The following TARP variants were observed in gnomAD, a reference collection of about 807,000 sequenced individuals.
the TARP span, among the ~76,000 whole-genome samples, chr7:38,268,246 G>A: frequency 5.3e-5 from 8 of 150,940 alleles, no homozygotes; most frequent in African/African-American, 1.2e-4. Context: ...ATTCATTTAT[G>A]TACATTTATT....
the TARP span, among the ~76,000 whole-genome samples, chr7:38,271,564 GA>G: frequency 2.6e-5 from 4 of 151,408 alleles, no homozygotes; most frequent in East Asian, 7.7e-4. Flanking sequence ...AAAAGGCAAA[GA>G]AATTTATCAC....
the TARP span, among the ~76,000 whole-genome samples, chr7:38,262,477 G>A: frequency 6.6e-6 from 1 of 151,396 alleles, no homozygotes; most frequent in African/African-American, 2.4e-5. Flanking sequence ...GTATCCAAGA[G>A]CATTTACTTT....
the TARP span, among the ~76,000 whole-genome samples, chr7:38,264,159 A>G: frequency 0.014 from 2,188 of 151,380 alleles, 23 homozygotes; most frequent in Admixed American, 0.032. Flanking sequence ...TGATTATATA[A>G]TATGATCACT....
chr7:38,264,484 G>A, the TARP span, among the ~76,000 whole-genome samples: 8 of 151,370 alleles, frequency 5.3e-5, no homozygotes, highest in Non-Finnish European at 8.8e-5. Flanking sequence ...CCAGCCTGTC[G>A]GGAGGCTGAA....
At chr7:38,260,658 G>T in the TARP span, among the ~76,000 whole-genome samples, 1 of 151,802 alleles carries the variant, frequency 6.6e-6, no homozygotes, top group Non-Finnish European at 1.5e-5. Context: ...TAAAGACAGT[G>T]GGGGTGGACC....
chr7:38,271,520 C>G, the TARP span, among the ~76,000 whole-genome samples: 5,612 of 150,000 alleles, frequency 0.037, 343 homozygotes, highest in African/African-American at 0.13. Flanking sequence ...CTCAATGATG[C>G]TAGTTTGGGG....
chr7:38,262,343 C>A, the TARP span: 11 of 723,022 alleles, frequency 1.5e-5, no homozygotes, highest in East Asian at 2.5e-4. Flanking sequence ...CCCACAATTC[C>A]AGAAACAATT....
the TARP span, chr7:38,265,657 A>T: frequency 8.1e-6 from 13 of 1,602,874 alleles, no homozygotes; most frequent in Non-Finnish European, 1.0e-5. Context: ...CTTGGGGGAA[A>T]CATCTGCATC....
chr7:38,262,449 T>C, the TARP span, among the ~76,000 whole-genome samples: 1 of 150,984 alleles, frequency 6.6e-6, no homozygotes, highest in Non-Finnish European at 1.5e-5. Flanking sequence ...TTTTCTTTTT[T>C]ATCACAACTG....
chr7:38,265,394 T>A, the TARP span: 2 of 1,612,452 alleles, frequency 1.2e-6, no homozygotes, highest in Admixed American at 3.3e-5. Context: ...ACTCCGTTTT[T>A]ATTATTCTCA....
At chr7:38,268,724 A>G in the TARP span, among the ~76,000 whole-genome samples, 2 of 152,012 alleles carry the variant, frequency 1.3e-5, no homozygotes, top group African/African-American at 4.8e-5. Flanking sequence ...GCCTGCTAAC[A>G]AGAAACGAAT....
chr7:38,269,515 T>G, the TARP span: 1 of 710,684 alleles, frequency 1.4e-6, no homozygotes, highest in African/African-American at 1.8e-5. Context: ...GTTGTTCCAC[T>G]GCCAAAGAGT....
At chr7:38,261,074 C>G in the TARP span, among the ~76,000 whole-genome samples, 8 of 151,666 alleles carry the variant, frequency 5.3e-5, no homozygotes, top group Non-Finnish European at 8.8e-5. Flanking sequence ...TGTAATTATT[C>G]TTTGTTGGCT....
the TARP span, chr7:38,273,546 C>T: frequency 2.0e-6 from 3 of 1,486,650 alleles, no homozygotes; most frequent in Non-Finnish European, 2.8e-6. Flanking sequence ...CTGCCAGCCT[C>T]CCATCCCTTC....
chr7:38,271,321 C>T, the TARP span, among the ~76,000 whole-genome samples: 2 of 151,472 alleles, frequency 1.3e-5, no homozygotes, highest in Non-Finnish European at 2.9e-5. Flanking sequence ...CACCTACATA[C>T]TAAATTTAGA....
the TARP span, among the ~76,000 whole-genome samples, chr7:38,272,058 A>G: frequency 6.6e-6 from 1 of 151,344 alleles, no homozygotes; most frequent in Non-Finnish European, 1.5e-5. Context: ...ATTCAGGTAG[A>G]TCATATTTGA....
chr7:38,265,662 T>C, the TARP span: 8 of 1,598,054 alleles, frequency 5.0e-6, no homozygotes, highest in South Asian at 8.9e-5. Context: ...GGGAAACATC[T>C]GCATCAAGTT....
the TARP span, among the ~76,000 whole-genome samples, chr7:38,267,859 C>G: frequency 1.3e-5 from 2 of 151,258 alleles, no homozygotes; most frequent in Non-Finnish European, 1.5e-5. Context: ...ACTTCTAATT[C>G]ATTGTACTAA....
chr7:38,260,162 C>T, the TARP span: 4 of 1,602,516 alleles, frequency 2.5e-6, no homozygotes, highest in South Asian at 2.2e-5. Flanking sequence ...AAATAGACCA[C>T]ACTCTTGAGG....
Sources: gnomAD v4.1 joint callset for allele counts (sites outside exome capture counted in the v4.1 genomes callset) on GRCh38, gnomAD v4.1.1 for gene constraint, MANE v1.5 for transcripts.